Variants in CACNB2 observed in about 807,000 individuals in gnomAD.
The protein encoded by CACNB2 is calcium voltage-gated channel auxiliary subunit beta 2.
A neutral mutation model predicts 73.3 loss-of-function variants in CACNB2; 42 were observed. That is an observed-to-expected ratio of 0.57 (90% confidence interval 0.45 to 0.74). The LOEUF (loss-of-function observed/expected upper bound fraction) is 0.74, where lower values mean the gene tolerates loss of function less well. Among genes scored for constraint, CACNB2 ranks in the 30% least tolerant of loss-of-function variants. The pLI is 0.00. For missense variants in CACNB2, 940 were observed against 853.0 expected, an observed-to-expected ratio of 1.10 and a Z score of -1.27; for synonymous variants, 348 against 310.3, an observed-to-expected ratio of 1.12 and a Z score of -1.28.
chr10:18,371,026 A>G (rs1194095184), intron 2 of CACNB2, among the ~76,000 whole-genome samples: 2 of 152,198 alleles, frequency 1.3e-5, no homozygotes, highest in Non-Finnish European at 2.9e-5. Context: ...TAAAAGAGTA[A>G]TATGTATTCA....
intron 2 of CACNB2, among the ~76,000 whole-genome samples, chr10:18,171,521 G>GAAAAAAAAAAAAAAAAAAAAAAAAAAAAA (rs370201485): frequency 3.1e-5 from 1 of 32,588 alleles, no homozygotes; most frequent in African/African-American, 1.0e-4. Flanking sequence ...TTTGATAGCA[G>GAAAAAAAAAAAAAAAAAAAAAAAAAAAAA]AAAAAAAAAA....
intron 2 of CACNB2, among the ~76,000 whole-genome samples, chr10:18,320,373 T>G (rs754469214): frequency 3.9e-5 from 6 of 152,326 alleles, no homozygotes; most frequent in Non-Finnish European, 7.3e-5. Flanking sequence ...ATGACATAGT[T>G]AAGTACGAAA....
intron 3 of CACNB2, among the ~76,000 whole-genome samples, chr10:18,497,370 T>C (rs1279280683): frequency 6.6e-6 from 1 of 152,160 alleles, no homozygotes; most frequent in Non-Finnish European, 1.5e-5. Context: ...TAAATAGGTA[T>C]TAGCTAAAGA....
At chr10:18,367,791 T>A (rs1032141480) in intron 2 of CACNB2, among the ~76,000 whole-genome samples, 8 of 152,224 alleles carry the variant, frequency 5.3e-5, no homozygotes, top group Non-Finnish European at 1.0e-4. Flanking sequence ...AAAGCTATAT[T>A]AAACCATATA....
intron 2 of CACNB2, among the ~76,000 whole-genome samples, chr10:18,208,946 A>C (rs1046994846): frequency 3.3e-5 from 5 of 152,204 alleles, no homozygotes; most frequent in African/African-American, 1.2e-4. Context: ...TCTCTGGAGC[A>C]CATCATCGTT....
intron 2 of CACNB2, among the ~76,000 whole-genome samples, chr10:18,323,674 A>T (rs1220389673): frequency 1.3e-5 from 2 of 152,238 alleles, no homozygotes; most frequent in African/African-American, 4.8e-5. Context: ...TTGAGCAGTT[A>T]AGAGTGAGTC....
chr10:18,231,969 T>C lies in CACNB2; in HGVS notation c.213+80994T>C, dbSNP rs376681941. ...ATATTTGGAATGCTCCAGACCTCCA[T>C]GCAAAATGTACTAACACCTTCTTTT... On this transcript the variant is annotated intron_variant, in intron 2 of 13. Coordinates refer to ENST00000324631, the MANE Select transcript of CACNB2 (RefSeq NM_201596.3). 2.3e-3 allele frequency among the ~76,000 whole-genome samples: 353 copies of C among 152,362 alleles called. 2 individuals carry two copies. The highest frequency in any genetic ancestry group is 8.3e-3 in the African/African-American group (346 of 41,586).
intron 2 of CACNB2, among the ~76,000 whole-genome samples, chr10:18,269,298 C>T (rs2037946318): frequency 6.6e-6 from 1 of 152,184 alleles, no homozygotes. Flanking sequence ...CACATGGTCA[C>T]ATCTGTTAGA....
At chr10:18,334,277 T>C (rs2040916480) in intron 2 of CACNB2, among the ~76,000 whole-genome samples, 2 of 152,132 alleles carry the variant, frequency 1.3e-5, no homozygotes, top group Non-Finnish European at 2.9e-5. Flanking sequence ...GGTCCTTCCA[T>C]CTGCAATCTG....
In CACNB2 at chr10:18,221,040, G is replaced by GCAGT. The variant is rs1241280320; in HGVS notation, c.213+70066_213+70069dup. On this transcript the variant is annotated intron_variant, in intron 2 of 13. Coordinates refer to ENST00000324631, the MANE Select transcript of CACNB2 (RefSeq NM_201596.3). Reference sequence around the variant, plus strand: ...AGAAATCAACCTGGATGGGGGCTGGGCAGTTCTGCCTGCCTGGCTCTTTTC... The same window carrying GCAGT: ...AGAAATCAACCTGGATGGGGGCTGGGCAGTCAGTTCTGCCTGCCTGGCTCTTTTC... 3.3e-5 allele frequency among the ~76,000 whole-genome samples: 5 copies of GCAGT among 152,164 alleles called. No individual in the cohort carries two copies. The East Asian group carries it at 9.6e-4, about 29-fold the overall frequency.
chr10:18,418,356 A>T (rs1340611605), intron 3 of CACNB2, among the ~76,000 whole-genome samples: 3 of 152,250 alleles, frequency 2.0e-5, no homozygotes, highest in African/African-American at 7.2e-5. Flanking sequence ...AGGAAAATGA[A>T]TCGCACAATC....
intron 5 of CACNB2, among the ~76,000 whole-genome samples, chr10:18,504,790 A>G (rs11014544): frequency 0.17 from 26,347 of 151,968 alleles, 2,531 homozygotes; most frequent in East Asian, 0.37. Flanking sequence ...GACTACAGGC[A>G]TGCACCACCA....
At chr10:18,476,781 G>A (rs1401484718) in intron 3 of CACNB2, among the ~76,000 whole-genome samples, 6 of 152,156 alleles carry the variant, frequency 3.9e-5, no homozygotes, top group African/African-American at 1.4e-4. Flanking sequence ...AGGAGGCTGA[G>A]GCAGCCCAAT....
chr10:18,537,876 T>C (rs1445269429), intron 12 of CACNB2, among the ~76,000 whole-genome samples: 1 of 152,228 alleles, frequency 6.6e-6, no homozygotes, highest in Admixed American at 6.5e-5. Flanking sequence ...ATCTCTTTTC[T>C]ACCATAGTAT....
chr10:18,467,304 G>T (rs1407995285), intron 3 of CACNB2, among the ~76,000 whole-genome samples: 2 of 152,074 alleles, frequency 1.3e-5, no homozygotes, highest in Non-Finnish European at 2.9e-5. Flanking sequence ...TTACTAACTG[G>T]CATCAACACT....
rs34442607 is a variant in CACNB2, at chr10:18,265,149, CTTTTTTTTT to C, written c.213+114185_213+114193del. On this transcript the variant is annotated intron_variant, in intron 2 of 13. Transcript: ENST00000324631. ...TATTTATTGACCATTTGGCCATCTTCTTTTTTTTTTTTTTTTTTTGAGATGGAGTCTCAC... is the reference window on the plus strand; with the variant it reads ...TATTTATTGACCATTTGGCCATCTTCTTTTTTTTTTGAGATGGAGTCTCAC... 9.9e-5 allele frequency among the ~76,000 whole-genome samples: 12 copies of C among 120,946 alleles called. No individual in the cohort carries two copies. In the East Asian group the frequency reaches 1.2e-3, roughly 13 times the overall value. The allele number at this position is 120,946 out of a possible 152,430, so 79.3% of individuals were successfully genotyped here.
chr10:18,390,166 T>A (rs2043402753), intron 2 of CACNB2, among the ~76,000 whole-genome samples: 1 of 149,798 alleles, frequency 6.7e-6, no homozygotes, highest in African/African-American at 2.4e-5. Flanking sequence ...GTTTGATTGT[T>A]TCGCTGCTCA....
At chr10:18,488,855 C>A (rs1438396863) in intron 3 of CACNB2, among the ~76,000 whole-genome samples, 1 of 151,112 alleles carries the variant, frequency 6.6e-6, no homozygotes, top group African/African-American at 2.4e-5. Flanking sequence ...CCAGCTCTAA[C>A]GCTTATGGCC....
chr10:18,315,332 AAAAAC>A (rs141967693), intron 2 of CACNB2, among the ~76,000 whole-genome samples: 70,478 of 143,138 alleles, frequency 0.49, 18,176 homozygotes, highest in Non-Finnish European at 0.53. Context: ...AGACTCTGTC[AAAAAC>A]AAAACAAAAC....
Sources: gnomAD v4.1 joint callset for allele counts (sites outside exome capture counted in the v4.1 genomes callset) on GRCh38, gnomAD v4.1.1 for gene constraint, MANE v1.5 for transcripts, NCBI Gene and HGNC (gene_info 2026-07-23, HGNC 2026-07-21) for gene names.